The following CSMD1 variants were observed in gnomAD, a reference collection of about 807,000 sequenced individuals.
The protein encoded by CSMD1 is CUB and Sushi multiple domains 1, also known as CUB and sushi domain-containing protein 1.
A neutral mutation model predicts 417.5 loss-of-function variants in CSMD1; 213 were observed. The ratio of observed to expected loss-of-function variants is 0.51; its 90% CI spans 0.46 to 0.57. CSMD1 has a LOEUF of 0.57. Among genes scored for constraint, CSMD1 ranks in the 20% least tolerant of loss-of-function variants. CSMD1 has a pLI of 0.00. For synonymous variants in CSMD1, 2,862 were observed against 1,736.8 expected (o/e 1.65, Z -16.11); for missense variants, 6,923 against 4,529.7 (o/e 1.53, Z -15.17).
At chr8:3,926,065 C>CAA (rs1809660881) in intron 5 of CSMD1, among the ~76,000 whole-genome samples, 1 of 138,972 alleles carries the variant, frequency 7.2e-6, no homozygotes, top group African/African-American at 2.8e-5. Flanking sequence ...CACACACACA[C>CAA]ACACACACAA....
intron 3 of CSMD1, among the ~76,000 whole-genome samples, chr8:4,331,314 G>T (rs1045055505): frequency 4.6e-5 from 7 of 152,102 alleles, no homozygotes; most frequent in African/African-American, 1.7e-4. Context: ...TGCACGGTGG[G>T]TGCAAACGCA....
chr8:4,192,672 C>T (rs574686637), intron 3 of CSMD1, among the ~76,000 whole-genome samples: 1 of 152,290 alleles, frequency 6.6e-6, no homozygotes, highest in South Asian at 2.1e-4. Flanking sequence ...CTTAAATCTG[C>T]ACTTAAATCT....
intron 1 of CSMD1, among the ~76,000 whole-genome samples, chr8:4,934,778 T>C (rs182468844): frequency 1.3e-5 from 2 of 152,124 alleles, no homozygotes; most frequent in Admixed American, 1.3e-4. Context: ...ATAGGTATCA[T>C]CTATCAATCA....
At chr8:3,570,028 TGA>T (rs1367373994) in intron 10 of CSMD1, among the ~76,000 whole-genome samples, 1 of 152,142 alleles carries the variant, frequency 6.6e-6, no homozygotes, top group African/African-American at 2.4e-5. Context: ...TACACAAAGA[TGA>T]GAGAGAAAAA....
chr8:4,169,987 A>T (rs149564463), intron 3 of CSMD1, among the ~76,000 whole-genome samples: 1 of 151,956 alleles, frequency 6.6e-6, no homozygotes, highest in Non-Finnish European at 1.5e-5. Flanking sequence ...TTGTGCATAG[A>T]AGAGTGTTAG....
chr8:3,434,505 G>C (rs868766195), intron 12 of CSMD1, among the ~76,000 whole-genome samples: 44 of 152,044 alleles, frequency 2.9e-4, no homozygotes, highest in African/African-American at 1.0e-3. Context: ...TTTTGTTATA[G>C]ACAGTTCAAA....
At chr8:4,716,177 C>T (rs908723191) in intron 1 of CSMD1, among the ~76,000 whole-genome samples, 19 of 152,152 alleles carry the variant, frequency 1.2e-4, no homozygotes, top group African/African-American at 4.6e-4. Context: ...GAGGAATCCC[C>T]CTGAGCAGGC....
chr8:4,725,823 A>G (rs1809396210), intron 1 of CSMD1, among the ~76,000 whole-genome samples: 1 of 152,084 alleles, frequency 6.6e-6, no homozygotes, highest in Non-Finnish European at 1.5e-5. Flanking sequence ...ACTGAGTGTA[A>G]TGTTCACGAC....
intron 1 of CSMD1, among the ~76,000 whole-genome samples, chr8:4,900,068 G>A (rs556183338): frequency 1.3e-5 from 2 of 151,988 alleles, no homozygotes; most frequent in South Asian, 4.2e-4. Context: ...CTCCATCTCT[G>A]GTAGTTCCTT....
intron 15 of CSMD1, among the ~76,000 whole-genome samples, chr8:3,402,169 T>A (rs557532566): frequency 5.9e-5 from 9 of 152,304 alleles, no homozygotes; most frequent in African/African-American, 2.2e-4. Flanking sequence ...TCTGTGATAG[T>A]GCACAACACT....
At chr8:3,660,083 G>C (rs951894311) in intron 7 of CSMD1, among the ~76,000 whole-genome samples, 6 of 152,234 alleles carry the variant, frequency 3.9e-5, no homozygotes, top group African/African-American at 9.6e-5. Flanking sequence ...ATAGAAATAA[G>C]GTACCATCGT....
At chr8:3,663,399 T>A (rs980838823) in intron 7 of CSMD1, among the ~76,000 whole-genome samples, 2 of 152,094 alleles carry the variant, frequency 1.3e-5, no homozygotes, top group Admixed American at 1.3e-4. Flanking sequence ...CCCTGACTGC[T>A]TTTAAGACAT....
chr8:3,073,542 T>C (rs924757624), intron 49 of CSMD1, among the ~76,000 whole-genome samples: 2 of 152,186 alleles, frequency 1.3e-5, no homozygotes, highest in African/African-American at 4.8e-5. Context: ...GCTCTATGTA[T>C]AAATGAAATC....
At chr8:4,041,815 A>T (rs1212935699) in intron 3 of CSMD1, among the ~76,000 whole-genome samples, 1 of 152,166 alleles carries the variant, frequency 6.6e-6, no homozygotes, top group Non-Finnish European at 1.5e-5. Context: ...ATACCCACAA[A>T]AAAACAAAAC....
intron 3 of CSMD1, among the ~76,000 whole-genome samples, chr8:4,287,836 G>T (rs964779803): frequency 6.6e-6 from 1 of 151,922 alleles, no homozygotes; most frequent in South Asian, 2.1e-4. Context: ...GCATTTAGTG[G>T]GAGAAGTGCC....
chr8:3,496,230 C>G (rs890459597), intron 10 of CSMD1, among the ~76,000 whole-genome samples: 1 of 152,208 alleles, frequency 6.6e-6, no homozygotes, highest in Non-Finnish European at 1.5e-5. Context: ...GGCTCCACTG[C>G]CGACTCTGTC....
intron 12 of CSMD1, among the ~76,000 whole-genome samples, chr8:3,424,899 T>G (rs1052164443): frequency 1.3e-5 from 2 of 152,214 alleles, no homozygotes; most frequent in Non-Finnish European, 2.9e-5. Context: ...GGAGCCATCA[T>G]GGCTGACTCA....
intron 1 of CSMD1, among the ~76,000 whole-genome samples, chr8:4,851,448 T>C (rs774712348): frequency 3.3e-5 from 5 of 152,252 alleles, no homozygotes; most frequent in Admixed American, 6.5e-5. Context: ...AATTCTTCCC[T>C]TGTCAACCTC....
At chr8:3,349,696 A>G (rs1808262081) in intron 21 of CSMD1, among the ~76,000 whole-genome samples, 1 of 148,962 alleles carries the variant, frequency 6.7e-6, no homozygotes, top group African/African-American at 2.5e-5. Context: ...AGAAATTTAT[A>G]TGTATATATA....
Sources: gnomAD v4.1 joint callset for allele counts (sites outside exome capture counted in the v4.1 genomes callset) on GRCh38, gnomAD v4.1.1 for gene constraint, MANE v1.5 for transcripts, NCBI Gene and HGNC (gene_info 2026-07-23, HGNC 2026-07-21) for gene names.